Variants in GSE1 observed in about 807,000 individuals in gnomAD.
The protein encoded by GSE1 is genetic suppressor element 1.
GSE1 carries 32 observed loss-of-function variants against 112.6 expected under a neutral mutation model. The ratio of observed to expected loss-of-function variants is 0.28; its 90% CI spans 0.21 to 0.38. The LOEUF (loss-of-function observed/expected upper bound fraction) is 0.38. GSE1 is among the 10% of genes least tolerant of loss of function. The pLI is 1.00. For missense variants in GSE1, 2,348 were observed against 1,699.2 expected, an observed-to-expected ratio of 1.38 and a Z score of -6.71; for synonymous variants, 1,115 against 735.6, an observed-to-expected ratio of 1.52 and a Z score of -8.35.
chr16:85,609,830 T>G (rs571385377), upstream of GSE1, among the ~76,000 whole-genome samples: 5 of 152,270 alleles, frequency 3.3e-5, no homozygotes, highest in South Asian at 1.0e-3. Context: ...AATTTTTTTT[T>G]GTTTTTAATA....
chr16:85,649,219 A>G (rs943015561), intron 3 of GSE1, among the ~76,000 whole-genome samples: 2 of 152,144 alleles, frequency 1.3e-5, no homozygotes, highest in Non-Finnish European at 2.9e-5. Flanking sequence ...ACCTCTTTAA[A>G]GACCGTGTCT....
chr16:85,669,901 C>G (rs1401238638), intron 14 of GSE1, among the ~76,000 whole-genome samples: 1 of 152,218 alleles, frequency 6.6e-6, no homozygotes, highest in Non-Finnish European at 1.5e-5. Context: ...TCAGGCATGA[C>G]CTGCGCTGAC....
chr16:85,496,451 T>G (rs2051180653), intron 2 of GSE1, among the ~76,000 whole-genome samples: 1 of 152,168 alleles, frequency 6.6e-6, no homozygotes, highest in Non-Finnish European at 1.5e-5. Context: ...GAACCATTAC[T>G]GTGCCCGGGA....
intron 1 of GSE1, among the ~76,000 whole-genome samples, chr16:85,582,568 C>T (rs1262058607): frequency 1.3e-5 from 2 of 152,186 alleles, no homozygotes; most frequent in African/African-American, 2.4e-5. Flanking sequence ...CTGGGTGGCT[C>T]CTCCCTCTGG....
chr16:85,498,498 C>G (rs1377200164), intron 2 of GSE1, among the ~76,000 whole-genome samples: 5 of 152,156 alleles, frequency 3.3e-5, no homozygotes, highest in Admixed American at 6.5e-5. Flanking sequence ...TGCATACAGA[C>G]ACACAAACAT....
intron 3 of GSE1, among the ~76,000 whole-genome samples, 153 bp downstream of exon 3, chr16:85,648,904 GGGT>G (rs1284299735): frequency 3.0e-4 from 46 of 152,258 alleles, no homozygotes; most frequent in African/African-American, 1.0e-3. Context: ...TGCAACGTGA[GGGT>G]GACAGCGGCA....
intron 2 of GSE1, among the ~76,000 whole-genome samples, chr16:85,377,578 C>G (rs958628168): frequency 3.3e-5 from 5 of 152,210 alleles, no homozygotes; most frequent in African/African-American, 9.7e-5. Flanking sequence ...GATGAGGGCA[C>G]TGTGAGAAGG....
intron 1 of GSE1, among the ~76,000 whole-genome samples, chr16:85,228,287 C>T (rs1420314176): frequency 6.6e-6 from 1 of 152,200 alleles, no homozygotes; most frequent in African/African-American, 2.4e-5. Context: ...GTTTTCTTTC[C>T]TGTGGCTGCT....
chr16:85,286,590 G>A (rs751409807), intron 1 of GSE1, among the ~76,000 whole-genome samples: 13 of 152,324 alleles, frequency 8.5e-5, no homozygotes, highest in East Asian at 3.9e-4. Flanking sequence ...AGAGTGGGCC[G>A]GTCGGAGCTG....
intron 1 of GSE1, among the ~76,000 whole-genome samples, chr16:85,335,168 G>A (rs2046456062): frequency 6.6e-6 from 1 of 152,224 alleles, no homozygotes; most frequent in Non-Finnish European, 1.5e-5. Flanking sequence ...CCCAGCCAGG[G>A]AACCTCGGAG....
At chr16:85,263,406 G>A (rs901617372) in intron 1 of GSE1, among the ~76,000 whole-genome samples, 3 of 152,090 alleles carry the variant, frequency 2.0e-5, no homozygotes, top group African/African-American at 7.2e-5. Context: ...CAGAATCTGC[G>A]TCTCTAACAA....
chr16:85,282,196 G>A lies in GSE1; in HGVS notation c.2284-75267G>A, dbSNP rs577868459. Among the ~76,000 whole-genome samples the A allele has an allele frequency of 1.1e-4, 16 of 152,036 alleles. No homozygotes were observed. The East Asian group carries it at 2.7e-3, about 26-fold the overall frequency. ...GCGTGCACCACCATGCCCAGTTAAT[G>A]TTTGTATTTTCAGTAGAGACGGGGT... On this transcript the variant is annotated intron_variant, in intron 1 of 2. Transcript: ENST00000637419.
chr16:85,304,282 C>A (rs1324638890), intron 1 of GSE1, among the ~76,000 whole-genome samples: 3 of 152,166 alleles, frequency 2.0e-5, no homozygotes, highest in African/African-American at 7.2e-5. Context: ...TGGGAGTAGA[C>A]CCCTGGCATG....
At position 85,364,293 on chromosome 16, in the gene GSE1, C is replaced by A. The variant is rs141237699; in HGVS notation, c.2464+6650C>A. Reference sequence around the variant, plus strand: ...CTTCTCTCTCCTCTTCTCCTGCCCCCCTCTCCTACTTAGAAGGCCCCTGTG... The same window carrying A: ...CTTCTCTCTCCTCTTCTCCTGCCCCACTCTCCTACTTAGAAGGCCCCTGTG... On this transcript the variant is annotated intron_variant, in intron 2 of 2. Coordinates refer to the GSE1 transcript ENST00000637419. Among the ~76,000 whole-genome samples, 707 of 152,322 alleles carry A rather than the reference C, an allele frequency of 4.6e-3. 8 individuals are homozygous for A. Among genetic ancestry groups the A allele is most frequent in the African/African-American group, 0.016 (682 of 41,562 alleles).
intron 1 of GSE1, among the ~76,000 whole-genome samples, chr16:85,282,468 T>C (rs1376288566): frequency 6.6e-6 from 1 of 152,234 alleles, no homozygotes; most frequent in African/African-American, 2.4e-5. Flanking sequence ...AGTTCTCATG[T>C]GTGTTTTGGG....
chr16:85,230,437 G>C (rs1193732358), intron 1 of GSE1, among the ~76,000 whole-genome samples: 1 of 152,126 alleles, frequency 6.6e-6, no homozygotes, highest in Non-Finnish European at 1.5e-5. Flanking sequence ...ACTCACTCAA[G>C]CAAAAGGGGG....
chr16:85,461,852 C>A (rs1310512748), intron 2 of GSE1, among the ~76,000 whole-genome samples: 1 of 152,114 alleles, frequency 6.6e-6, no homozygotes, highest in African/African-American at 2.4e-5. Context: ...CGGACCTTCT[C>A]CCAGCCCTCA....
chr16:85,595,823 CCCA>C (rs2047199382), intron 1 of GSE1: 1 of 110,916 alleles, frequency 9.0e-6, no homozygotes, highest in African/African-American at 3.1e-5. Flanking sequence ...CACCCACCCA[CCCA>C]CCCACTCTTC....
rs1318124411 is a variant in GSE1, at chr16:85,673,346, AC to A, written c.*808del. ...ACTGTGTATATATATTAAAAAAAAA[AC>A]AAAGTTTTGTATGTTTTTATTACTT... On this transcript the variant is annotated 3_prime_UTR_variant, in exon 16 of 16. Transcript: ENST00000253458. 1 of 152,194 alleles carries A rather than the reference AC, an allele frequency of 6.6e-6. No individual in the cohort carries two copies. Among genetic ancestry groups the A allele is most frequent in the Non-Finnish European group, 1.5e-5 (1 of 67,804 alleles). 9.4% of individuals were successfully genotyped at this position (152,194 alleles called of 1,614,324 possible).
Sources: gnomAD v4.1 joint callset for allele counts (sites outside exome capture counted in the v4.1 genomes callset) on GRCh38, gnomAD v4.1.1 for gene constraint, MANE v1.5 for transcripts, NCBI Gene and HGNC (gene_info 2026-07-23, HGNC 2026-07-21) for gene names.